ANKS1B: variants seen among roughly 807,000 people sequenced by gnomAD.
The protein encoded by ANKS1B is ankyrin repeat and sterile alpha motif domain containing 1B, also known as ankyrin repeat and sterile alpha motif domain-containing protein 1B.
A neutral mutation model predicts 148.3 loss-of-function variants in ANKS1B; 36 were observed. The ratio of observed to expected loss-of-function variants is 0.24; its 90% CI spans 0.19 to 0.32. The LOEUF (loss-of-function observed/expected upper bound fraction) is 0.32, where lower values mean the gene tolerates loss of function less well. Among genes scored for constraint, ANKS1B ranks in the 10% least tolerant of loss-of-function variants. The pLI is 1.00. For missense variants in ANKS1B, 1,157 were observed against 1,542.6 expected, an observed-to-expected ratio of 0.75 and a Z score of 4.19; for synonymous variants, 542 against 560.8, an observed-to-expected ratio of 0.97 and a Z score of 0.47.
chr12:99,973,423 T>A (rs911371072), intron 1 of ANKS1B, among the ~76,000 whole-genome samples: 6 of 152,030 alleles, frequency 3.9e-5, no homozygotes, highest in Non-Finnish European at 7.4e-5. Context: ...CTACAAAAAA[T>A]TTAAAAATTA....
chr12:99,157,520 G>T (rs1244968273), intron 14 of ANKS1B, among the ~76,000 whole-genome samples: 2 of 152,160 alleles, frequency 1.3e-5, no homozygotes, highest in African/African-American at 4.8e-5. Flanking sequence ...GTAACTAAAT[G>T]AATAAATGAT....
At position 98,984,578 on chromosome 12, in the gene ANKS1B, A is replaced by G. The variant is rs544579531; in HGVS notation, c.2778+68579T>C. ...GCTTTCCACATAACTGCAAGATGCA[A>G]CTTTGCTAGCTATTTGGCCACTACA... On this transcript the variant is annotated intron_variant, in intron 17 of 26. Transcript: ENST00000683438. 9.9e-4 allele frequency among the ~76,000 whole-genome samples: 151 copies of G among 152,330 alleles called. 1 individual carries two copies. The highest frequency in any genetic ancestry group is 3.5e-3 in the African/African-American group (144 of 41,570).
At chr12:98,808,571 AC>A (rs757391456) in intron 19 of ANKS1B, among the ~76,000 whole-genome samples, 4 of 151,986 alleles carry the variant, frequency 2.6e-5, no homozygotes, top group Non-Finnish European at 4.4e-5. Flanking sequence ...TCAAGCAGAA[AC>A]CCTTGGGAAC....
intron 9 of ANKS1B, chr12:99,649,302 G>A (rs2098402673): frequency 2.5e-6 from 4 of 1,613,928 alleles, no homozygotes; most frequent in Non-Finnish European, 3.4e-6. Flanking sequence ...ATGCCATGAA[G>A]TTTTGTGAAG....
intron 14 of ANKS1B, among the ~76,000 whole-genome samples, chr12:99,197,847 C>A (rs909168904): frequency 2.0e-5 from 3 of 152,096 alleles, no homozygotes; most frequent in African/African-American, 7.2e-5. Context: ...TATTACAGAA[C>A]TGAAAGATAA....
At chr12:99,717,465 T>C (rs2057478419) in intron 8 of ANKS1B, among the ~76,000 whole-genome samples, 1 of 152,202 alleles carries the variant, frequency 6.6e-6, no homozygotes, top group Non-Finnish European at 1.5e-5. Context: ...TTGCTACAAG[T>C]GCCAGAAATC....
chr12:99,604,829 AAAAGAAAAG>A (rs1289574654), intron 9 of ANKS1B, among the ~76,000 whole-genome samples: 3 of 151,100 alleles, frequency 2.0e-5, no homozygotes, highest in Non-Finnish European at 4.4e-5. Context: ...AAAAAAAAAA[AAAAGAAAAG>A]AAAAGAAAAA....
intron 11 of ANKS1B, among the ~76,000 whole-genome samples, chr12:99,421,552 C>T (rs1188450881): frequency 6.6e-6 from 1 of 151,894 alleles, no homozygotes; most frequent in East Asian, 1.9e-4. Flanking sequence ...AGAGAAGATA[C>T]ACTCCAATTA....
chr12:99,449,372 C>A (rs1376442587), intron 10 of ANKS1B, among the ~76,000 whole-genome samples: 1 of 152,102 alleles, frequency 6.6e-6, no homozygotes, highest in African/African-American at 2.4e-5. Context: ...ATATAACTAA[C>A]TCTTAGTCTT....
intron 4 of ANKS1B, among the ~76,000 whole-genome samples, chr12:99,787,250 C>A (rs1013284849): frequency 2.6e-5 from 4 of 151,992 alleles, no homozygotes; most frequent in African/African-American, 7.3e-5. Context: ...GGGGCAATTA[C>A]CCTCATGCTG....
chr12:99,856,849 A>G (rs931192531), intron 1 of ANKS1B, among the ~76,000 whole-genome samples: 19 of 152,182 alleles, frequency 1.2e-4, no homozygotes, highest in African/African-American at 4.6e-4. Flanking sequence ...TATGACTGAA[A>G]CCCTCAACAA....
intron 4 of ANKS1B, among the ~76,000 whole-genome samples, chr12:99,803,440 T>C (rs2067221089): frequency 2.0e-5 from 3 of 152,180 alleles, no homozygotes; most frequent in African/African-American, 4.8e-5. Flanking sequence ...TTCTACTTCC[T>C]AGAATTCTTA....
chr12:98,772,935 C>T (rs1341181559), intron 25 of ANKS1B, 107 bp downstream of exon 25: 1 of 1,265,914 alleles, frequency 7.9e-7, no homozygotes, highest in South Asian at 1.5e-5. Flanking sequence ...TATCTTAATA[C>T]CGGGTAAACA....
intron 8 of ANKS1B, among the ~76,000 whole-genome samples, chr12:99,761,353 A>G (rs139979496): frequency 1.3e-5 from 2 of 152,104 alleles, no homozygotes; most frequent in East Asian, 3.9e-4. Context: ...TACGACGATG[A>G]AGGAGGCTTT....
chr12:99,899,580 C>G (rs961335887), intron 1 of ANKS1B, among the ~76,000 whole-genome samples: 19 of 151,934 alleles, frequency 1.3e-4, no homozygotes, highest in African/African-American at 4.6e-4. Context: ...GACATTTAAT[C>G]AATTTTAGTT....
At chr12:99,107,829 G>A (rs1406814778) in intron 15 of ANKS1B, among the ~76,000 whole-genome samples, 2 of 152,172 alleles carry the variant, frequency 1.3e-5, no homozygotes, top group Non-Finnish European at 1.5e-5. Flanking sequence ...GGAGGTCTGA[G>A]TAGATAACTA....
At chr12:99,432,784 A>C (rs929970492) in intron 11 of ANKS1B, among the ~76,000 whole-genome samples, 1 of 152,298 alleles carries the variant, frequency 6.6e-6, no homozygotes, top group South Asian at 2.1e-4. Context: ...CAATTCAATG[A>C]TAAGTACAAA....
intron 22 of ANKS1B, among the ~76,000 whole-genome samples, chr12:98,787,990 C>T (rs1056399083): frequency 6.6e-6 from 1 of 151,340 alleles, no homozygotes; most frequent in African/African-American, 2.4e-5. Context: ...ACGCTGAGAG[C>T]TCAGCAAACT....
intron 1 of ANKS1B, among the ~76,000 whole-genome samples, chr12:99,849,751 T>A (rs1325565485): frequency 1.3e-5 from 2 of 152,074 alleles, no homozygotes; most frequent in African/African-American, 4.8e-5. Context: ...AAATAACACA[T>A]ACTGAATGAT....
Sources: allele counts gnomAD v4.1 joint callset (sites outside exome capture counted in the v4.1 genomes callset), GRCh38; gene constraint gnomAD v4.1.1; transcripts MANE v1.5; gene names NCBI Gene and HGNC (gene_info 2026-07-23, HGNC 2026-07-21).